KCNN2: variants seen among roughly 807,000 people sequenced by gnomAD.
KCNN2 encodes small conductance calcium-activated potassium channel protein 2.
A neutral mutation model predicts 55.5 loss-of-function variants in KCNN2; 24 were observed. That is an observed-to-expected ratio of 0.43 (90% CI 0.31 to 0.61). The LOEUF (loss-of-function observed/expected upper bound fraction) is 0.61, where lower values mean the gene tolerates loss of function less well. Ranked by LOEUF, KCNN2 falls within the 20% of genes least tolerant of loss-of-function variation. The pLI, the probability that KCNN2 is intolerant of heterozygous loss-of-function variation, is 0.08. For missense variants in KCNN2, 754 were observed against 853.6 expected (o/e 0.88, Z 1.45); for synonymous variants, 431 against 336.1 (o/e 1.28, Z -3.09).
intron 1 of KCNN2, among the ~76,000 whole-genome samples, chr5:114,093,228 A>C (rs986606110): frequency 2.6e-5 from 4 of 152,168 alleles, no homozygotes; most frequent in African/African-American, 4.8e-5. Flanking sequence ...TCTTTACTAA[A>C]GCATAGCAAG....
intron 3 of KCNN2, among the ~76,000 whole-genome samples, chr5:114,432,994 C>T (rs1759853889): frequency 6.6e-6 from 1 of 152,158 alleles, no homozygotes; most frequent in African/African-American, 2.4e-5. Flanking sequence ...GCGGCCGGAG[C>T]CTCCCTGATG....
intron 2 of KCNN2, among the ~76,000 whole-genome samples, chr5:114,385,287 A>G (rs1276197803): frequency 2.0e-5 from 3 of 151,718 alleles, no homozygotes; most frequent in South Asian, 4.2e-4. Context: ...ACATCACAGA[A>G]GTTAGTCCCC....
intron 2 of KCNN2, among the ~76,000 whole-genome samples, chr5:114,303,603 G>T (rs1347920102): frequency 6.6e-6 from 1 of 152,150 alleles, no homozygotes; most frequent in African/African-American, 2.4e-5. Flanking sequence ...TGGGCTTTTT[G>T]AAAATAAATC....
intron 1 of KCNN2, among the ~76,000 whole-genome samples, chr5:114,085,754 G>A (rs1338626929): frequency 2.6e-5 from 4 of 151,770 alleles, no homozygotes; most frequent in Non-Finnish European, 5.9e-5. Flanking sequence ...GGGTAATTTT[G>A]GTTTTTTAAA....
intron 2 of KCNN2, among the ~76,000 whole-genome samples, chr5:114,355,611 T>A (rs1408058378): frequency 6.6e-6 from 1 of 152,174 alleles, no homozygotes; most frequent in Non-Finnish European, 1.5e-5. Context: ...GTTCTCTCAC[T>A]CTTTGGCATA....
At chr5:114,359,039 C>G (rs751081626), upstream of KCNN2, among the ~76,000 whole-genome samples, 4 of 151,982 alleles carry the variant, frequency 2.6e-5, no homozygotes, top group Non-Finnish European at 5.9e-5. Flanking sequence ...ACAGGTTTAC[C>G]ACACTCTCAA....
chr5:114,400,003 T>G (rs569606031), intron 2 of KCNN2, among the ~76,000 whole-genome samples: 66 of 151,510 alleles, frequency 4.4e-4, no homozygotes, highest in African/African-American at 1.6e-3. Context: ...ATTATTTGGA[T>G]CTTCTCTATT....
chr5:114,156,766 T>C (rs1296057671), intron 1 of KCNN2, among the ~76,000 whole-genome samples: 1 of 152,030 alleles, frequency 6.6e-6, no homozygotes, highest in Non-Finnish European at 1.5e-5. Flanking sequence ...TCTCTTTTTT[T>C]TCCTAAATTC....
At chr5:114,402,794 A>C (rs1374541976) in intron 2 of KCNN2, among the ~76,000 whole-genome samples, 2 of 152,236 alleles carry the variant, frequency 1.3e-5, no homozygotes, top group South Asian at 2.1e-4. Context: ...CACCTGCAGC[A>C]GCCTGGATAT....
intron 2 of KCNN2, among the ~76,000 whole-genome samples, chr5:114,245,678 C>CA (rs60734263): frequency 0.36 from 54,939 of 151,818 alleles, 10,515 homozygotes; most frequent in East Asian, 0.74. Flanking sequence ...TATTCTTTGT[C>CA]AAAAAACCCC....
At chr5:114,208,749 A>G (rs763174274) in intron 1 of KCNN2, among the ~76,000 whole-genome samples, 1 of 152,194 alleles carries the variant, frequency 6.6e-6, no homozygotes, top group Non-Finnish European at 1.5e-5. Flanking sequence ...TCCACTTAAT[A>G]CGCTGCAGGG....
intron 5 of KCNN2, among the ~76,000 whole-genome samples, chr5:114,480,607 A>G (rs1333629640): frequency 7.2e-5 from 11 of 152,240 alleles, no homozygotes; most frequent in African/African-American, 2.4e-4. Flanking sequence ...CATTGATGAA[A>G]AAATCCTCAA....
At chr5:114,128,146 C>G (rs1391501349) in intron 1 of KCNN2, among the ~76,000 whole-genome samples, 1 of 152,092 alleles carries the variant, frequency 6.6e-6, no homozygotes, top group African/African-American at 2.4e-5. Context: ...ATAACAGCAC[C>G]CCACTACCTG....
chr5:114,418,979 G>A (rs1456671444), intron 3 of KCNN2, among the ~76,000 whole-genome samples: 6 of 152,168 alleles, frequency 3.9e-5, no homozygotes, highest in Non-Finnish European at 8.8e-5. Context: ...AACTGAATGT[G>A]CCTGAGTAGA....
chr5:114,151,753 C>G (rs1341195213), intron 1 of KCNN2, among the ~76,000 whole-genome samples: 1 of 151,950 alleles, frequency 6.6e-6, no homozygotes, highest in East Asian at 1.9e-4. Context: ...AGATGTATTT[C>G]CAAGGAGTTA....
At chr5:114,293,435 A>G (rs1365524397) in intron 2 of KCNN2, among the ~76,000 whole-genome samples, 1 of 152,184 alleles carries the variant, frequency 6.6e-6, no homozygotes, top group Non-Finnish European at 1.5e-5. Flanking sequence ...CCATTTCTGC[A>G]TCTATTGAGA....
rs1753482243 is a variant in KCNN2 at position 114,193,061 on chromosome 5, G to A, written c.-270-28419G>A. 2.0e-5 allele frequency among the ~76,000 whole-genome samples: 3 copies of A among 152,098 alleles called. No homozygotes were observed. In the South Asian group the frequency reaches 6.2e-4, roughly 32 times the overall value. On this transcript the variant is annotated intron_variant, in intron 1 of 10. Transcript: ENST00000512097. ...ATAAAAATACGTCCCTGAAATATTT[G>A]GGACATACTTATACTAGTAAAATAT... is the stretch of plus-strand genomic sequence containing the variant.
chr5:114,119,256 G>C (rs57877658), intron 1 of KCNN2, among the ~76,000 whole-genome samples: 107 of 152,250 alleles, frequency 7.0e-4, no homozygotes, highest in African/African-American at 2.5e-3. Flanking sequence ...ACTACCTCAT[G>C]CTCCATTATT....
chr5:114,479,043 G>C (rs183639894), intron 5 of KCNN2, among the ~76,000 whole-genome samples: 1 of 151,926 alleles, frequency 6.6e-6, no homozygotes, highest in Non-Finnish European at 1.5e-5. Context: ...AATTCACACA[G>C]AGCAATAGTA....
Sources: allele counts gnomAD v4.1 joint callset (sites outside exome capture counted in the v4.1 genomes callset), GRCh38; gene constraint gnomAD v4.1.1; transcripts MANE v1.5; gene names NCBI Gene and HGNC (gene_info 2026-07-23, HGNC 2026-07-21).